PHEX: variants seen among roughly 807,000 people sequenced by gnomAD.
PHEX encodes phosphate-regulating neutral endopeptidase PHEX.
PHEX carries 16 observed loss-of-function variants against 68.0 expected under a neutral mutation model. The observed-to-expected ratio is 0.24, with a 90% CI of 0.16 to 0.36. PHEX has a LOEUF of 0.36. Among genes scored for constraint, PHEX ranks in the 10% least tolerant of loss-of-function variants. The pLI, the probability that PHEX is intolerant of heterozygous loss-of-function variation, is 1.00. For synonymous variants in PHEX, 208 were observed against 205.1 expected (o/e 1.01, Z -0.12); for missense variants, 480 against 575.5 (o/e 0.83, Z 1.70).
At chrX:22,162,565 C>T (rs766044127) in intron 12 of PHEX, among the ~76,000 whole-genome samples, 2 of 112,088 alleles carry the variant, frequency 1.8e-5, no homozygotes, top group Non-Finnish European at 3.8e-5. Flanking sequence ...TCATCATGTA[C>T]TCTGGACCAA....
intron 11 of PHEX, among the ~76,000 whole-genome samples, chrX:22,130,337 C>T (rs976999254): frequency 9.1e-6 from 1 of 110,303 alleles, no homozygotes; most frequent in Admixed American, 9.7e-5. Flanking sequence ...CTCGGAGGTT[C>T]GAGACTAGCC....
chrX:22,058,001 C>G (rs1313677978), intron 3 of PHEX, among the ~76,000 whole-genome samples: 1 of 111,682 alleles, frequency 9.0e-6, no homozygotes, highest in Non-Finnish European at 1.9e-5. Context: ...GGGCTTGCCC[C>G]TGAAAGGAGG....
intron 4 of PHEX, among the ~76,000 whole-genome samples, chrX:22,076,863 C>A (rs759064018): frequency 5.4e-5 from 6 of 111,845 alleles, no homozygotes; most frequent in African/African-American, 1.9e-4. Context: ...CCAGGCATGC[C>A]AGGTTCCTGT....
At chrX:22,054,424 C>T (rs765417220) in intron 3 of PHEX, among the ~76,000 whole-genome samples, 36 of 112,041 alleles carry the variant, frequency 3.2e-4, no homozygotes, top group African/African-American at 1.0e-3. Context: ...TGTGAGCCAC[C>T]GCACCCGGCC....
rs1247898023 is a variant in PHEX, at chrX:22,249,451, A to ATATATAT, written c.*1498_*1499insTATATAT. 1.4e-4 allele frequency: 4 copies of ATATATAT among 28,500 alleles called. No homozygotes were observed. The highest frequency in any genetic ancestry group is 6.2e-4 in the African/African-American group (3 of 4,817). The allele number at this position is 28,500 out of a possible 1,213,427, so 2.3% of individuals were successfully genotyped here. A position where few individuals can be genotyped will look rare whatever the true frequency, so the allele number is the denominator to read the frequency against. On this transcript the variant is annotated 3_prime_UTR_variant, in exon 22 of 22. Coordinates refer to ENST00000379374, the MANE Select transcript of PHEX (RefSeq NM_000444.6). ...TGATTTGTGATTCTTTTAAAAAAAA[A>ATATATAT]AAAAATATATATATATATATATATA...
At chrX:22,049,955 G>A (rs1377552128) in intron 3 of PHEX, among the ~76,000 whole-genome samples, 1 of 112,532 alleles carries the variant, frequency 8.9e-6, no homozygotes, top group Non-Finnish European at 1.9e-5. Flanking sequence ...GTGGTATAAA[G>A]TAGAAGTCAT....
chrX:22,245,505 T>A, intron 21 of PHEX, 96 bp downstream of exon 21: 1 of 621,559 alleles, frequency 1.6e-6, no homozygotes, highest in South Asian at 2.3e-5. Flanking sequence ...ATAGGTGATC[T>A]GAAAAAAATC....
chrX:22,155,616 T>C (rs1367047959), intron 12 of PHEX, among the ~76,000 whole-genome samples: 1 of 112,398 alleles, frequency 8.9e-6, no homozygotes, highest in Admixed American at 9.4e-5. Context: ...TTGATTTATT[T>C]CATAGTATTT....
intron 19 of PHEX, among the ~76,000 whole-genome samples, chrX:22,227,144 C>A (rs973039973): frequency 8.9e-6 from 1 of 112,435 alleles, no homozygotes; most frequent in Non-Finnish European, 1.9e-5. Context: ...TTTTCTCTTA[C>A]GTGTCAAAAT....
chrX:22,160,406 T>A (rs1221128156), intron 12 of PHEX, among the ~76,000 whole-genome samples: 1 of 109,786 alleles, frequency 9.1e-6, no homozygotes, highest in African/African-American at 3.3e-5. Flanking sequence ...AAAAATTAGC[T>A]GGACATGGTG....
chrX:22,178,245 C>T, intron 13 of PHEX, 28 bp from the exon 14 acceptor site: 1 of 985,689 alleles, frequency 1.0e-6, no homozygotes, highest in Non-Finnish European at 1.4e-6. Context: ...TTACTTAGAA[C>T]AATGATGTTG....
intron 3 of PHEX, among the ~76,000 whole-genome samples, chrX:22,052,629 G>A (rs911182067): frequency 8.9e-6 from 1 of 111,844 alleles, no homozygotes; most frequent in Non-Finnish European, 1.9e-5. Context: ...GAAACATCAA[G>A]AGCTGGATTT....
intron 20 of PHEX, among the ~76,000 whole-genome samples, chrX:22,244,184 C>T (rs1016801639): frequency 9.0e-6 from 1 of 111,116 alleles, no homozygotes; most frequent in Non-Finnish European, 1.9e-5. Flanking sequence ...AACACAGGAA[C>T]AGAAAACCAA....
intron 2 of PHEX, among the ~76,000 whole-genome samples, chrX:22,040,526 A>G (rs1340484691): frequency 1.8e-5 from 2 of 111,787 alleles, no homozygotes; most frequent in African/African-American, 3.3e-5. Context: ...TAAAAAAAAG[A>G]TAGAACAATG....
chrX:22,169,214 G>C (rs1009010420), intron 13 of PHEX, among the ~76,000 whole-genome samples: 25 of 111,821 alleles, frequency 2.2e-4, no homozygotes, highest in Non-Finnish European at 4.7e-4. Flanking sequence ...AATTTTACAA[G>C]ACTATTCAAA....
In PHEX at chrX:22,163,655, A is replaced by G. The variant is rs1933214996; in HGVS notation, c.1405-4657A>G. Among the ~76,000 whole-genome samples the G allele has an allele frequency of 2.7e-5, 3 of 111,608 alleles. No homozygotes were observed. The South Asian group carries it at 1.1e-3, about 42-fold the overall frequency. ...TATTTCTTGCAGGATATAATATGCAATCTGTTAAATATTTATATCACTGCT... is the reference window on the plus strand; with the variant it reads ...TATTTCTTGCAGGATATAATATGCAGTCTGTTAAATATTTATATCACTGCT... On this transcript the variant is annotated intron_variant, in intron 12 of 21. Coordinates refer to ENST00000379374, the MANE Select transcript of PHEX (RefSeq NM_000444.6).
chrX:22,208,776 C>T (rs1194134383), intron 15 of PHEX, among the ~76,000 whole-genome samples: 1 of 111,932 alleles, frequency 8.9e-6, no homozygotes, highest in Non-Finnish European at 1.9e-5. Context: ...TACAGACACA[C>T]ATGTACGGAT....
intron 10 of PHEX, 70 bp downstream of exon 10, chrX:22,111,630 C>T (rs577368280): frequency 1.3e-6 from 1 of 792,549 alleles, no homozygotes; most frequent in Middle Eastern, 3.2e-4. Flanking sequence ...CATATATTAA[C>T]TGATCCAGTA....
At chrX:22,130,032 T>C (rs1449341584) in intron 11 of PHEX, among the ~76,000 whole-genome samples, 1 of 112,021 alleles carries the variant, frequency 8.9e-6, no homozygotes, top group East Asian at 2.8e-4. Flanking sequence ...AATATCTTTC[T>C]GAAGCCTAGG....
Sources: allele counts gnomAD v4.1 joint callset (sites outside exome capture counted in the v4.1 genomes callset), GRCh38; gene constraint gnomAD v4.1.1; transcripts MANE v1.5; gene names NCBI Gene and HGNC (gene_info 2026-07-23, HGNC 2026-07-21).